The following CMKLR2 variants were observed in gnomAD, a reference collection of about 807,000 sequenced individuals.
The protein encoded by CMKLR2 is chemerin-like receptor 2.
A neutral mutation model predicts 23.0 loss-of-function variants in CMKLR2; 18 were observed. That is an observed-to-expected ratio of 0.78 (90% CI 0.54 to 1.16). The LOEUF (loss-of-function observed/expected upper bound fraction) is 1.16. Ranked by LOEUF, CMKLR2 falls within the 50% of genes most tolerant of loss-of-function variation. CMKLR2 has a pLI of 0.00. For synonymous variants in CMKLR2, 158 were observed against 158.9 expected, an observed-to-expected ratio of 0.99 and a Z score of 0.05; for missense variants, 401 against 412.7, an observed-to-expected ratio of 0.97 and a Z score of 0.25.
chr2:206,178,121 C>A (rs1202853607), intron 1 of CMKLR2, among the ~76,000 whole-genome samples: 1 of 152,128 alleles, frequency 6.6e-6, no homozygotes, highest in Non-Finnish European at 1.5e-5. Context: ...TTTAAAATAG[C>A]CAGATCTAGT....
chr2:206,214,088 A>T (rs1301148538), upstream of CMKLR2, among the ~76,000 whole-genome samples: 1 of 150,258 alleles, frequency 6.7e-6, no homozygotes, highest in Non-Finnish European at 1.5e-5. Flanking sequence ...TCCTGACCTC[A>T]GGTGATCCAC....
At position 206,176,901 on chromosome 2, in the gene CMKLR2, G is replaced by A; in HGVS notation, c.347C>T (p.Thr116Ile). The change falls in exon 2 of 2, where the codon ACT becomes ATT. Residue 116 changes from threonine to isoleucine, a missense_variant. Coordinates refer to ENST00000621141, the MANE Select transcript of CMKLR2 (RefSeq NM_001389445.1). ...ACTGGCAAACATGTTCAACTGGGCA[G>A]TGAAGGAATTGGCTTTGCACAGCCA... is the stretch of plus-strand genomic sequence containing the variant. ...GIWLCKANSF[T>I]AQLNMFASVF... is the part of the protein sequence containing the mutation. 1 of 1,614,218 alleles carries A rather than the reference G, an allele frequency of 6.2e-7. No homozygotes were observed. Among genetic ancestry groups the A allele is most frequent in the Non-Finnish European group, 8.5e-7 (1 of 1,180,036 alleles).
intron 1 of CMKLR2, among the ~76,000 whole-genome samples, chr2:206,209,074 A>T (rs1236472022): frequency 6.6e-6 from 1 of 152,180 alleles, no homozygotes; most frequent in African/African-American, 2.4e-5. Flanking sequence ...TCGGTGACTC[A>T]CACCTGTAAT....
intron 1 of CMKLR2, among the ~76,000 whole-genome samples, chr2:206,182,344 C>T (rs577775423): frequency 6.6e-6 from 1 of 152,158 alleles, no homozygotes; most frequent in Non-Finnish European, 1.5e-5. Context: ...CAGCATTCCC[C>T]CTTCTGTCAT....
intron 1 of CMKLR2, among the ~76,000 whole-genome samples, chr2:206,180,449 T>A (rs1688373542): frequency 1.3e-5 from 2 of 152,110 alleles, no homozygotes; most frequent in African/African-American, 4.8e-5. Flanking sequence ...TTTTCGTTGT[T>A]ATTGAGACAT....
intron 1 of CMKLR2, among the ~76,000 whole-genome samples, chr2:206,179,578 C>A (rs1688346507): frequency 6.6e-6 from 1 of 151,948 alleles, no homozygotes; most frequent in East Asian, 1.9e-4. Context: ...ATCCACCCAC[C>A]TGGGCCTCCC....
Position 206,177,432 on chromosome 2 carries a change from A to C in CMKLR2, c.-28-157T>G, listed in dbSNP as rs571942042. On this transcript the variant is annotated intron_variant, in intron 1 of 1. Transcript: ENST00000621141. Reference sequence around the variant, plus strand: ...GAGACAGGGTCTCACTCTGTTGCCCAAGCTGGAGTGCAATGGCATGCTTTT... The same window carrying C: ...GAGACAGGGTCTCACTCTGTTGCCCCAGCTGGAGTGCAATGGCATGCTTTT... Among the ~76,000 whole-genome samples, 67 of 152,254 alleles carry C rather than the reference A, an allele frequency of 4.4e-4. 1 individual carries two copies. The highest frequency in any genetic ancestry group is 1.4e-3 in the African/African-American group (59 of 41,546).
intron 1 of CMKLR2, among the ~76,000 whole-genome samples, chr2:206,196,960 G>A (rs1688942086): frequency 6.6e-6 from 1 of 152,092 alleles, no homozygotes; most frequent in Non-Finnish European, 1.5e-5. Context: ...CTTGGCTGGA[G>A]TGCAGTGGCG....
chr2:206,193,769 A>G (rs1688828824), intron 1 of CMKLR2, among the ~76,000 whole-genome samples: 1 of 152,234 alleles, frequency 6.6e-6, no homozygotes, highest in Non-Finnish European at 1.5e-5. Context: ...TATGTCTGAG[A>G]CTAGAATATT....
At chr2:206,187,820 G>A (rs1039551000) in intron 1 of CMKLR2, among the ~76,000 whole-genome samples, 1 of 152,182 alleles carries the variant, frequency 6.6e-6, no homozygotes, top group Non-Finnish European at 1.5e-5. Context: ...AGGTGAATAG[G>A]AGGGATGTCT....
intron 1 of CMKLR2, among the ~76,000 whole-genome samples, chr2:206,206,833 A>G (rs533505289): frequency 3.3e-5 from 5 of 151,936 alleles, no homozygotes; most frequent in Non-Finnish European, 4.4e-5. Flanking sequence ...ATTTTGTCTG[A>G]GAAGACAAAC....
intron 1 of CMKLR2, among the ~76,000 whole-genome samples, chr2:206,198,652 A>G (rs1688994033): frequency 6.6e-6 from 1 of 152,212 alleles, no homozygotes; most frequent in African/African-American, 2.4e-5. Flanking sequence ...CAAATTAAAA[A>G]CATTCTGCAA....
intron 1 of CMKLR2, among the ~76,000 whole-genome samples, chr2:206,188,167 C>G (rs554466107): frequency 1.3e-5 from 2 of 152,178 alleles, no homozygotes; most frequent in Non-Finnish European, 2.9e-5. Flanking sequence ...CTCCTGACCT[C>G]AAGTGCTCCA....
At chr2:206,210,461 C>T (rs1689517870) in intron 1 of CMKLR2, among the ~76,000 whole-genome samples, 6 of 144,986 alleles carry the variant, frequency 4.1e-5, no homozygotes, top group Admixed American at 3.4e-4. Context: ...CATTTTTACT[C>T]TTTTTTTTTT....
intron 1 of CMKLR2, among the ~76,000 whole-genome samples, chr2:206,179,829 T>C (rs1474158873): frequency 6.6e-6 from 1 of 152,190 alleles, no homozygotes; most frequent in East Asian, 1.9e-4. Flanking sequence ...GTTACAATCA[T>C]ACATGAGGCA....
At chr2:206,178,194 G>A (rs1169950793) in intron 1 of CMKLR2, among the ~76,000 whole-genome samples, 2 of 152,174 alleles carry the variant, frequency 1.3e-5, no homozygotes, top group Non-Finnish European at 2.9e-5. Flanking sequence ...GAGCCCAGGA[G>A]TTTGAGGCTG....
At chr2:206,212,984 A>G (rs372229074) in intron 1 of CMKLR2, among the ~76,000 whole-genome samples, 3 of 152,330 alleles carry the variant, frequency 2.0e-5, no homozygotes, top group South Asian at 4.1e-4. Context: ...TATGAGCTGT[A>G]ATTATGTAGG....
Position 206,176,372 on chromosome 2 carries a change from C to T in CMKLR2, c.876G>A (p.Leu292=). 1 of 1,614,078 alleles carries T rather than the reference C, an allele frequency of 6.2e-7. No homozygotes were observed. Among genetic ancestry groups the T allele is most frequent in the Non-Finnish European group, 8.5e-7 (1 of 1,180,016 alleles). The change falls in exon 2 of 2, where the codon TTG becomes TTA. Residue 292 remains leucine (L), a synonymous_variant. Transcript: ENST00000621141. ...GGTTCAAGCAACTATTGAGGAATGC[C>T]AAACCAGTGGAGAGGGGGATTCCAG... ...MQAGIPLSTG[L]AFLNSCLNPI... is the part of the protein sequence containing the mutation.
At chr2:206,213,042 A>G (rs146775645) in intron 1 of CMKLR2, among the ~76,000 whole-genome samples, 400 of 152,334 alleles carry the variant, frequency 2.6e-3, no homozygotes, top group African/African-American at 9.3e-3. Context: ...CCACCCCAGC[A>G]ACATGCTCAT....
Sources: allele counts gnomAD v4.1 joint callset (sites outside exome capture counted in the v4.1 genomes callset), GRCh38; gene constraint gnomAD v4.1.1; transcripts MANE v1.5; gene names NCBI Gene and HGNC (gene_info 2026-07-23, HGNC 2026-07-21).